Variants in EIF4E observed in about 807,000 individuals in gnomAD.
The protein encoded by EIF4E is eukaryotic translation initiation factor 4E, also known as eIF-4F 25 kDa subunit.
For missense variants in EIF4E, 113 were observed against 265.6 expected (o/e 0.43, Z 3.99); for synonymous variants, 71 against 88.5 (o/e 0.80, Z 1.11).
chr4:98,881,485 TTA>T (rs1395512290), intron 6 of EIF4E, among the ~76,000 whole-genome samples: 1 of 152,128 alleles, frequency 6.6e-6, no homozygotes, highest in Non-Finnish European at 1.5e-5. Flanking sequence ...CTGACTGCAT[TTA>T]TAGTCTAGTA....
chr4:98,927,773 G>A (rs1454864553), intron 1 of EIF4E, among the ~76,000 whole-genome samples: 1 of 150,328 alleles, frequency 6.7e-6, no homozygotes. Flanking sequence ...TGGCAACCAA[G>A]GTCTAGAGCT....
intron 1 of EIF4E, among the ~76,000 whole-genome samples, chr4:98,923,679 G>A (rs772131872): frequency 8.5e-5 from 13 of 152,186 alleles, no homozygotes; most frequent in Non-Finnish European, 1.0e-4. Context: ...GGTAGGGATA[G>A]GAGTGGGAAG....
intron 1 of EIF4E, chr4:98,909,852 C>T (rs922525568): frequency 1.5e-6 from 1 of 665,584 alleles, no homozygotes; most frequent in Non-Finnish European, 2.7e-6. Context: ...CAGCCATGGT[C>T]CCCCAAGCGC....
At chr4:98,922,981 G>A (rs952526851) in intron 1 of EIF4E, among the ~76,000 whole-genome samples, 3 of 151,496 alleles carry the variant, frequency 2.0e-5, no homozygotes, top group Non-Finnish European at 4.4e-5. Context: ...CCAAGAAGCT[G>A]GGGTTACAGG....
chr4:98,903,569 C>T, intron 1 of EIF4E: 1 of 432,316 alleles, frequency 2.3e-6, no homozygotes, highest in Non-Finnish European at 4.6e-6. Context: ...GTCTCAAACT[C>T]CTGAGCTCAA....
chr4:98,910,541 T>C (rs1023891304), intron 1 of EIF4E, among the ~76,000 whole-genome samples: 1 of 152,160 alleles, frequency 6.6e-6, no homozygotes, highest in Admixed American at 6.5e-5. Flanking sequence ...ACCTAAATAC[T>C]TGATCAAAAT....
intron 1 of EIF4E, among the ~76,000 whole-genome samples, chr4:98,919,653 G>A (rs1242856624): frequency 1.3e-5 from 2 of 150,304 alleles, no homozygotes; most frequent in African/African-American, 4.9e-5. Context: ...CCGCCTCCCA[G>A]GTTCAAGTGA....
chr4:98,917,133 C>CACAA lies in EIF4E; in HGVS notation c.18+11961_18+11962insTTGT, dbSNP rs1386548303. ...ACACACACACACACACACACACACA[C>CACAA]AAAAAAAACCCAAATGCTCAAGTGT... On this transcript the variant is annotated intron_variant, in intron 1 of 6. Transcript: ENST00000450253. Among the ~76,000 whole-genome samples, 445 of 55,186 alleles carry CACAA rather than the reference C, an allele frequency of 8.1e-3. 2 individuals carry two copies. Among genetic ancestry groups the CACAA allele is most frequent in the East Asian group, 0.048 (78 of 1,618 alleles). 36.2% of individuals were successfully genotyped at this position (55,186 alleles called of 152,430 possible).
intron 2 of EIF4E, among the ~76,000 whole-genome samples, chr4:98,898,248 A>G (rs1426546867): frequency 6.6e-6 from 1 of 152,202 alleles, no homozygotes; most frequent in Admixed American, 6.5e-5. Flanking sequence ...TTATACTTCC[A>G]ATGAAACATC....
chr4:98,884,790 A>C, intron 6 of EIF4E, 132 bp downstream of exon 6: 1 of 1,256,290 alleles, frequency 8.0e-7, no homozygotes. Flanking sequence ...CAAAATTATA[A>C]AAGTGTTCAC....
At chr4:98,904,770 TCAAAA>T (rs1236211185) in intron 1 of EIF4E, among the ~76,000 whole-genome samples, 1 of 152,110 alleles carries the variant, frequency 6.6e-6, no homozygotes, top group Admixed American at 6.6e-5. Flanking sequence ...AAACTCAGTC[TCAAAA>T]CAAAACAAAA....
intron 1 of EIF4E, among the ~76,000 whole-genome samples, chr4:98,922,487 C>T (rs1445763638): frequency 1.3e-5 from 2 of 149,170 alleles, no homozygotes; most frequent in South Asian, 2.1e-4. Flanking sequence ...ACCCAGGAGG[C>T]GGAGGTTGCA....
intron 1 of EIF4E, among the ~76,000 whole-genome samples, chr4:98,925,327 T>G (rs576325150): frequency 9.2e-5 from 14 of 152,298 alleles, no homozygotes; most frequent in African/African-American, 2.9e-4. Context: ...AAAAAAAAAT[T>G]TTTTTAATTC....
At chr4:98,924,593 GTTTT>G (rs5860556) in intron 1 of EIF4E, among the ~76,000 whole-genome samples, 2 of 146,846 alleles carry the variant, frequency 1.4e-5, no homozygotes, top group Non-Finnish European at 3.0e-5. Flanking sequence ...ATTTGTTTCT[GTTTT>G]TTTTTTTATT....
intron 2 of EIF4E, among the ~76,000 whole-genome samples, chr4:98,892,328 C>CCAAAAAAAA (rs1560637155): frequency 1.2e-4 from 6 of 49,504 alleles, no homozygotes; most frequent in African/African-American, 2.1e-4. Context: ...TCTCAAAAAA[C>CCAAAAAAAA]AAAAAAACAA....
intron 1 of EIF4E, among the ~76,000 whole-genome samples, chr4:98,910,635 A>C (rs1579173865): frequency 6.6e-6 from 1 of 152,342 alleles, no homozygotes; most frequent in African/African-American, 2.4e-5. Context: ...ATACTCAGCA[A>C]GCTATACTTG....
chr4:98,900,358 T>G (rs900489457), intron 2 of EIF4E, among the ~76,000 whole-genome samples: 2 of 152,194 alleles, frequency 1.3e-5, no homozygotes, highest in Admixed American at 6.5e-5. Flanking sequence ...TGTTCCTCAC[T>G]GGAGGATATA....
At chr4:98,888,310 T>A (rs1366324059) in intron 3 of EIF4E, among the ~76,000 whole-genome samples, 1 of 151,830 alleles carries the variant, frequency 6.6e-6, no homozygotes. Context: ...ACAGTTTTTT[T>A]CACAAACATA....
At chr4:98,904,209 C>T (rs1724765159) in intron 1 of EIF4E, among the ~76,000 whole-genome samples, 2 of 152,134 alleles carry the variant, frequency 1.3e-5, no homozygotes, top group Non-Finnish European at 2.9e-5. Context: ...TCTGTAATTG[C>T]AGCACTTTGA....
Sources: gnomAD v4.1 joint callset for allele counts (sites outside exome capture counted in the v4.1 genomes callset) on GRCh38, gnomAD v4.1.1 for gene constraint, MANE v1.5 for transcripts, NCBI Gene and HGNC (gene_info 2026-07-23, HGNC 2026-07-21) for gene names.